Variants in FMO1 observed in about 807,000 individuals in gnomAD.
FMO1 encodes the protein flavin containing dimethylaniline monoxygenase 1.
A neutral mutation model predicts 45.4 loss-of-function variants in FMO1; 36 were observed. The observed-to-expected ratio is 0.79, with a 90% CI of 0.61 to 1.05. The LOEUF (loss-of-function observed/expected upper bound fraction) is 1.05, where lower values mean the gene tolerates loss of function less well. FMO1 is among the 50% of genes least tolerant of loss of function. The pLI is 0.00. For missense variants in FMO1, 615 were observed against 640.3 expected (o/e 0.96, Z 0.43); for synonymous variants, 228 against 227.2 (o/e 1.00, Z -0.03).
At chr1:171,262,172 C>T (rs915485063) in intron 2 of FMO1, among the ~76,000 whole-genome samples, 3 of 152,170 alleles carry the variant, frequency 2.0e-5, no homozygotes, top group Admixed American at 6.5e-5. Context: ...CAGTGGCTCA[C>T]GCCTGTAATC....
At chr1:171,275,306 C>A in intron 3 of FMO1, 40 bp from the exon 4 acceptor site, 1 of 1,572,078 alleles carries the variant, frequency 6.4e-7, no homozygotes, top group Non-Finnish European at 8.7e-7. Flanking sequence ...CTTAATGGAA[C>A]ATTGACAACT....
intron 4 of FMO1, 151 bp downstream of exon 4, chr1:171,275,659 C>G: frequency 1.7e-6 from 1 of 585,458 alleles, no homozygotes; most frequent in South Asian, 2.9e-5. Context: ...TTGTTTTTTT[C>G]TAGCCAGCAT....
chr1:171,265,204 C>T (rs963174805), intron 2 of FMO1, among the ~76,000 whole-genome samples: 10 of 151,960 alleles, frequency 6.6e-5, no homozygotes, highest in African/African-American at 2.4e-4. Context: ...TCCTGGCTAA[C>T]ACGGTGAAAC....
intron 4 of FMO1, among the ~76,000 whole-genome samples, chr1:171,276,183 T>C (rs1661099468): frequency 6.6e-6 from 1 of 152,178 alleles, no homozygotes; most frequent in Non-Finnish European, 1.5e-5. Context: ...TTCAGAAACT[T>C]TTCTCCAAAT....
intron 2 of FMO1, among the ~76,000 whole-genome samples, chr1:171,258,995 G>A (rs1375463690): frequency 6.6e-6 from 1 of 152,140 alleles, no homozygotes; most frequent in Non-Finnish European, 1.5e-5. Flanking sequence ...CTTAGTCAGG[G>A]AAACATTTGC....
intron 1 of FMO1, among the ~76,000 whole-genome samples, chr1:171,255,888 G>A (rs1660124918): frequency 6.6e-6 from 1 of 152,150 alleles, no homozygotes; most frequent in Non-Finnish European, 1.5e-5. Flanking sequence ...AATATCATAT[G>A]TATATATGCA....
chr1:171,268,062 T>G (rs1296150829), intron 3 of FMO1, among the ~76,000 whole-genome samples: 1 of 152,082 alleles, frequency 6.6e-6, no homozygotes, highest in Non-Finnish European at 1.5e-5. Flanking sequence ...CCAACCCCCT[T>G]CCCCAGTCTC....
In FMO1 at chr1:171,251,179, A is replaced by G. The variant is rs985462732; in HGVS notation, c.-7+2556A>G. The stretch of plus-strand genomic sequence containing the variant: ...TTTACTTGGGAAGTCCATAATATCA[A>G]TTACCCTCTAACGGTGTTGACTCAA... On this transcript the variant is annotated intron_variant, in intron 1 of 8. Coordinates refer to ENST00000617670, the MANE Select transcript of FMO1 (RefSeq NM_001282693.2). Among the ~76,000 whole-genome samples the G allele has an allele frequency of 5.9e-5, 9 of 152,336 alleles. No individual in the cohort carries two copies. In the South Asian group the frequency reaches 1.2e-3, roughly 21 times the overall value.
Position 171,283,145 on chromosome 1 carries a change from T to C in FMO1, c.1185T>C (p.Gly395=), listed in dbSNP as rs760641362. The C allele has an allele frequency of 2.0e-6, 3 of 1,521,812 alleles. No homozygotes were observed. The South Asian group carries it at 3.5e-5, about 18-fold the overall frequency. 94.3% of individuals were successfully genotyped at this position (1,521,812 alleles called of 1,614,324 possible). A position where few individuals can be genotyped will look rare whatever the true frequency, so the allele number is the denominator to read the frequency against. ...GAGGTTTTTATTTTAATCCTACAGG[T>C]GTAAATAAGTTACCACCACCAAGTG... ...QARWAVRVLK[G]VNKLPPPSVM... Residue 395 remains glycine (G), a splice_region_variant and synonymous_variant, in exon 8 of 9, where the codon GGT becomes GGC. Coordinates refer to ENST00000617670, the MANE Select transcript of FMO1 (RefSeq NM_001282693.2).
chr1:171,254,381 C>T (rs571562136), intron 1 of FMO1, among the ~76,000 whole-genome samples: 70 of 152,194 alleles, frequency 4.6e-4, no homozygotes, highest in Non-Finnish European at 6.8e-4. Context: ...TGAACCACCA[C>T]CCCGGCCCGA....
intron 2 of FMO1, among the ~76,000 whole-genome samples, chr1:171,262,531 A>C (rs1211433548): frequency 6.6e-6 from 1 of 152,198 alleles, no homozygotes; most frequent in East Asian, 1.9e-4. Flanking sequence ...ACATTGATTG[A>C]AACCCTACTA....
chr1:171,275,532 T>C, intron 4 of FMO1, 24 bp downstream of exon 4: 1 of 1,583,974 alleles, frequency 6.3e-7, no homozygotes, highest in South Asian at 1.1e-5. Context: ...TGTAACTAAC[T>C]TTAAGTTTTC....
rs370684152 is a variant in FMO1 at position 171,282,278 on chromosome 1, C to T, written c.1128C>T (p.Gly376=). The T allele has an allele frequency of 3.7e-4, 604 of 1,613,872 alleles. 1 individual carries two copies. The highest frequency in any genetic ancestry group is 1.7e-3 in the Middle Eastern group (10 of 6,058). ...LAIIGLIKPL[G]SMIPTGETQA... is the part of the protein sequence containing the mutation. The stretch of plus-strand genomic sequence containing the variant: ...TTATTGGCCTCATCAAACCCTTGGG[C>T]TCCATGATACCTACAGGAGAAACAC... Residue 376 remains glycine (G), a synonymous_variant, in exon 7 of 9, where the codon GGC becomes GGT. Coordinates refer to ENST00000617670, the MANE Select transcript of FMO1 (RefSeq NM_001282693.2).
At chr1:171,271,288 G>A (rs200093145) in intron 3 of FMO1, 1 of 1,268,270 alleles carries the variant, frequency 7.9e-7, no homozygotes, top group African/African-American at 1.5e-5. Context: ...CAGGAAAAAG[G>A]CTGAAGGAGG....
intron 3 of FMO1, chr1:171,271,067 A>G: frequency 4.0e-6 from 4 of 990,704 alleles, no homozygotes; most frequent in South Asian, 1.4e-5. Context: ...GCCTTGATAA[A>G]TCCCTTTTTT....
chr1:171,262,461 T>C (rs1660416749), intron 2 of FMO1, among the ~76,000 whole-genome samples: 1 of 152,152 alleles, frequency 6.6e-6, no homozygotes, highest in African/African-American at 2.4e-5. Flanking sequence ...AGAATGATAT[T>C]TTCCTCATGT....
At position 171,285,271 on chromosome 1, in the gene FMO1, T is replaced by C. The variant is rs1201200084; in HGVS notation, c.1326T>C (p.Tyr442=). The C allele has an allele frequency of 1.2e-6, 2 of 1,613,982 alleles. No homozygotes were observed. Among genetic ancestry groups the C allele is most frequent in the Admixed American group, 1.7e-5 (1 of 60,008 alleles). ...YITYIDELLT[Y]INAKPNLFSM... is the part of the protein sequence containing the mutation. ...CATACATAGATGAACTCCTGACCTA[T>C]ATCAATGCAAAACCCAACCTGTTCT... Residue 442 remains tyrosine, a synonymous_variant, in exon 9 of 9, where the codon TAT becomes TAC. Transcript: ENST00000617670.
At position 171,285,685 on chromosome 1, in the gene FMO1, G is replaced by A. The variant is rs1353762775; in HGVS notation, c.*141G>A. 1 of 444,484 alleles carries A rather than the reference G, an allele frequency of 2.2e-6. No individual in the cohort carries two copies. Among genetic ancestry groups the A allele is most frequent in the Admixed American group, 4.2e-5 (1 of 23,668 alleles). 27.5% of individuals were successfully genotyped at this position (444,484 alleles called of 1,614,324 possible). On this transcript the variant is annotated 3_prime_UTR_variant, in exon 9 of 9. Transcript: ENST00000617670. The stretch of plus-strand genomic sequence containing the variant: ...CTCTCGCTTCCCTGGCTGGCCCCAG[G>A]GCTACCACTGGTATTCCTGAGCCTC...
At chr1:171,250,969 T>C (rs6684218) in intron 1 of FMO1, among the ~76,000 whole-genome samples, 18,240 of 152,140 alleles carry the variant, frequency 0.12, 2,032 homozygotes, top group African/African-American at 0.31. Flanking sequence ...ACACAAATCT[T>C]CTTGGAAGGC....
Sources: allele counts gnomAD v4.1 joint callset (sites outside exome capture counted in the v4.1 genomes callset), GRCh38; gene constraint gnomAD v4.1.1; transcripts MANE v1.5; gene names NCBI Gene and HGNC (gene_info 2026-07-23, HGNC 2026-07-21).